Variants in ZNF670 observed in about 807,000 individuals in gnomAD.
The protein encoded by ZNF670 is zinc finger protein 670.
ZNF670 carries 7 observed loss-of-function variants against 10.9 expected under a neutral mutation model. The observed-to-expected ratio is 0.64, with a 90% confidence interval of 0.36 to 1.20. ZNF670 has a LOEUF of 1.20. Ranked by LOEUF, ZNF670 falls within the 50% of genes most tolerant of loss-of-function variation. The pLI, the probability that ZNF670 is intolerant of heterozygous loss-of-function variation, is 0.02. For synonymous variants in ZNF670, 136 were observed against 152.7 expected (o/e 0.89, Z 0.81); for missense variants, 446 against 458.6 (o/e 0.97, Z 0.25).
chr1:247,062,591 T>C (rs1162878830), intron 1 of ZNF670, among the ~76,000 whole-genome samples: 1 of 152,142 alleles, frequency 6.6e-6, no homozygotes, highest in African/African-American at 2.4e-5. Context: ...CATCCTGACA[T>C]GTGGAATGTC....
At chr1:247,040,333 T>C (rs963806100) in intron 1 of ZNF670, among the ~76,000 whole-genome samples, 17 of 152,220 alleles carry the variant, frequency 1.1e-4, no homozygotes, top group Non-Finnish European at 2.2e-4. Flanking sequence ...AACAAAACAA[T>C]TTTAAAATTT....
chr1:247,072,618 C>G (rs1671144982), intron 1 of ZNF670, among the ~76,000 whole-genome samples: 2 of 151,082 alleles, frequency 1.3e-5, no homozygotes, highest in African/African-American at 4.9e-5. Context: ...AACCTCGTCT[C>G]TACTAAAAAT....
chr1:247,071,654 T>A (rs1173122309), intron 1 of ZNF670, among the ~76,000 whole-genome samples: 6 of 152,210 alleles, frequency 3.9e-5, no homozygotes, highest in Admixed American at 3.9e-4. Flanking sequence ...AACTGGTGAA[T>A]GATGAAGGTC....
chr1:247,071,188 C>T (rs924826343), intron 1 of ZNF670, among the ~76,000 whole-genome samples: 2 of 152,198 alleles, frequency 1.3e-5, no homozygotes, highest in Non-Finnish European at 2.9e-5. Context: ...CACTGCAGCA[C>T]TATTCACAAT....
intron 1 of ZNF670, among the ~76,000 whole-genome samples, chr1:247,041,121 C>T (rs567445482): frequency 6.6e-6 from 1 of 152,330 alleles, no homozygotes; most frequent in South Asian, 2.1e-4. Flanking sequence ...GCATTCCCCT[C>T]TATTCCATGA....
chr1:247,038,687 TGCTAAGAC>T, intron 3 of ZNF670, 115 bp downstream of exon 3: 3 of 846,372 alleles, frequency 3.5e-6, no homozygotes, highest in Admixed American at 2.8e-5. Context: ...GTGTATTTTT[TGCTAAGAC>T]TTTTCTGGAA....
At chr1:247,048,348 A>T (rs2103057498) in intron 1 of ZNF670, among the ~76,000 whole-genome samples, 1 of 152,290 alleles carries the variant, frequency 6.6e-6, no homozygotes, top group East Asian at 1.9e-4. Flanking sequence ...CCTTTGCTTC[A>T]GTTCCCAAGA....
At chr1:247,072,804 G>GTGTATA (rs1484895671) in intron 1 of ZNF670, among the ~76,000 whole-genome samples, 48 of 47,652 alleles carry the variant, frequency 1.0e-3, no homozygotes, top group Non-Finnish European at 1.4e-3. Context: ...AAAAGTGTGT[G>GTGTATA]TATATATATA....
At chr1:247,061,334 C>G (rs993986867) in intron 1 of ZNF670, among the ~76,000 whole-genome samples, 6 of 152,022 alleles carry the variant, frequency 3.9e-5, no homozygotes, top group Admixed American at 6.6e-5. Context: ...GCACCCGCCA[C>G]CACACCTGGC....
intron 1 of ZNF670, among the ~76,000 whole-genome samples, chr1:247,045,260 C>A (rs1670411894): frequency 6.6e-6 from 1 of 152,186 alleles, no homozygotes; most frequent in African/African-American, 2.4e-5. Context: ...TTTACATCCA[C>A]AAACATTACC....
intron 1 of ZNF670, among the ~76,000 whole-genome samples, chr1:247,070,607 C>T (rs914798423): frequency 6.6e-6 from 1 of 152,034 alleles, no homozygotes; most frequent in Non-Finnish European, 1.5e-5. Flanking sequence ...CAAAAGCAAT[C>T]GCAACAAAAA....
Position 247,039,473 on chromosome 1 carries a change from G to A in ZNF670, c.68C>T (p.Pro23Leu). 1.9e-6 allele frequency: 3 copies of A among 1,607,646 alleles called. No homozygotes were observed. Among genetic ancestry groups the A allele is most frequent in the Non-Finnish European group, 2.5e-6 (3 of 1,177,570 alleles). Residue 23 changes from proline to leucine, a missense_variant, in exon 2 of 4, where the codon CCT (proline) becomes CTT (leucine). Physicochemically the swap from Pro to Leu is moderately conservative, Grantham distance 98. Transcript: ENST00000366503. ...ATCTCTGTAGAGATTCTTTTGAGAA[G>A]GATCCAGCAAAGCCCACTCCTCCTG... ...FTQEEWALLD[P>L]SQKNLYRDVM...
At chr1:247,072,798 G>GTATA (rs1491144904) in intron 1 of ZNF670, among the ~76,000 whole-genome samples, 1,204 of 18,330 alleles carry the variant, frequency 0.066, 21 homozygotes, top group African/African-American at 0.09. Flanking sequence ...AAAAAAAAAA[G>GTATA]TGTGTGTATA....
chr1:247,076,518 A>C (rs1253527715), intron 1 of ZNF670, among the ~76,000 whole-genome samples: 1 of 152,050 alleles, frequency 6.6e-6, no homozygotes, highest in African/African-American at 2.4e-5. Flanking sequence ...GGCCTCCCAA[A>C]GTGTTGGGAT....
At chr1:247,042,661 G>GT in intron 1 of ZNF670, 1 of 272,476 alleles carries the variant, frequency 3.7e-6, no homozygotes, top group South Asian at 4.4e-5. Flanking sequence ...GTAGAAGAAA[G>GT]TAAGTTTAGG....
At chr1:247,074,383 C>T (rs1197447808) in intron 1 of ZNF670, among the ~76,000 whole-genome samples, 1 of 151,828 alleles carries the variant, frequency 6.6e-6, no homozygotes, top group African/African-American at 2.4e-5. Context: ...AGAATCCATC[C>T]GGCCCTCTTC....
At position 247,037,271 on chromosome 1, in the gene ZNF670, C is replaced by G. The variant is rs539597179; in HGVS notation, c.*178G>C. The stretch of plus-strand genomic sequence containing the variant: ...TATGACGTTCTTTCCCAGGACGGGT[C>G]CTTCTAAGTTTTAGAAGGGAACTAG... On this transcript the variant is annotated 3_prime_UTR_variant, in exon 4 of 4. Transcript: ENST00000366503. The G allele has an allele frequency of 7.4e-5, 48 of 646,188 alleles. No homozygotes were observed. The highest frequency in any genetic ancestry group is 4.6e-4 in the Middle Eastern group (1 of 2,186). The allele number at this position is 646,188 out of a possible 1,614,324, so 40.0% of individuals were successfully genotyped here.
intron 1 of ZNF670, chr1:247,043,856 C>G (rs995376789): frequency 3.0e-6 from 1 of 336,170 alleles, no homozygotes. Flanking sequence ...GCCATTTCCA[C>G]TAATGAAGAG....
chr1:247,054,488 G>T (rs1318102819), intron 1 of ZNF670, among the ~76,000 whole-genome samples: 10 of 152,224 alleles, frequency 6.6e-5, no homozygotes, highest in Non-Finnish European at 1.5e-4. Flanking sequence ...TAGGGCACTG[G>T]GCAGGGTTGT....
Sources: gnomAD v4.1 joint callset for allele counts (sites outside exome capture counted in the v4.1 genomes callset) on GRCh38, gnomAD v4.1.1 for gene constraint, MANE v1.5 for transcripts, NCBI Gene and HGNC (gene_info 2026-07-23, HGNC 2026-07-21) for gene names.